The following CCDC187 variants were observed in gnomAD, a reference collection of about 807,000 sequenced individuals.
CCDC187 encodes the protein coiled-coil domain-containing protein 187.
Under a neutral mutation model 38.0 loss-of-function variants are expected in CCDC187, and 32 were observed. The observed-to-expected ratio is 0.84, with a 90% CI of 0.64 to 1.13. The LOEUF (loss-of-function observed/expected upper bound fraction) is 1.13, where lower values mean the gene tolerates loss of function less well. Among genes scored for constraint, CCDC187 ranks in the 50% most tolerant of loss-of-function variants. CCDC187 has a pLI of 0.00. For synonymous variants in CCDC187, 333 were observed against 347.9 expected (o/e 0.96, Z 0.48); for missense variants, 707 against 786.8 (o/e 0.90, Z 1.21).
intron 3 of CCDC187, among the ~76,000 whole-genome samples, chr9:136,299,180 A>T (rs1367123079): frequency 6.6e-6 from 1 of 152,242 alleles, no homozygotes; most frequent in South Asian, 2.1e-4. Context: ...ATCTGGATGG[A>T]CAGGAGTTCC....
intron 2 of CCDC187, among the ~76,000 whole-genome samples, chr9:136,300,921 C>T (rs886677360): frequency 3.9e-5 from 6 of 152,208 alleles, no homozygotes; most frequent in East Asian, 1.9e-4. Context: ...TTGAATAGCA[C>T]ATCTGACCAA....
chr9:136,253,731 C>G lies in CCDC187; in HGVS notation c.6097G>C (p.Asp2033His). 1.0e-6 allele frequency: 1 copy of G among 985,578 alleles called. No individual in the cohort carries two copies. Among genetic ancestry groups the G allele is most frequent in the Non-Finnish European group, 1.2e-6 (1 of 830,012 alleles). The allele number at this position is 985,578 out of a possible 1,614,324, so 61.1% of individuals were successfully genotyped here. A position where few individuals can be genotyped will look rare whatever the true frequency, so the allele number is the denominator to read the frequency against. The change falls in exon 26 of 26, where the codon GAT (aspartate) becomes CAT (histidine). Residue 2033 changes from aspartate (D) to histidine (H), a missense_variant. Coordinates refer to ENST00000638797, the MANE Select transcript of CCDC187 (RefSeq NM_001378188.1). ...SDGEDTNPCS[D>H]AFPSPPSGPL... ...CCCGAGGGCGGGGAAGGGAAGGCATCCGAGCATGGGTTGGTGTCTTCACCA... is the reference window on the plus strand; with the variant it reads ...CCCGAGGGCGGGGAAGGGAAGGCATGCGAGCATGGGTTGGTGTCTTCACCA...
intron 7 of CCDC187, among the ~76,000 whole-genome samples, chr9:136,288,995 C>T (rs1223919509): frequency 2.6e-5 from 4 of 152,306 alleles, no homozygotes; most frequent in African/African-American, 7.2e-5. Flanking sequence ...CACCCATTCA[C>T]GGCAGCGGCA....
At position 136,286,529 on chromosome 9, in the gene CCDC187, T is replaced by C; in HGVS notation, c.2389A>G (p.Met797Val). Residue 797 changes from methionine to valine, a missense_variant, in exon 8 of 26, where the codon ATG (methionine) becomes GTG (valine). Transcript: ENST00000638797. ...DLTTRYLPRG[M>V]CIYLDPKEAE... is the part of the protein sequence containing the mutation. ...TCCTTTGGGTCCAGGTAGATGCACA[T>C]CCCCCGGGGTAGGTAGCGGGTGGTC... is the stretch of plus-strand genomic sequence containing the variant. The C allele has an allele frequency of 2.5e-6, 1 of 398,602 alleles. No homozygotes were observed. The highest frequency in any genetic ancestry group is 4.4e-6 in the Non-Finnish European group (1 of 226,086). The allele number at this position is 398,602 out of a possible 1,614,324, so 24.7% of individuals were successfully genotyped here. A position where few individuals can be genotyped will look rare whatever the true frequency, so the allele number is the denominator to read the frequency against.
chr9:136,301,183 C>T (rs1831671583), intron 2 of CCDC187, among the ~76,000 whole-genome samples: 2 of 152,278 alleles, frequency 1.3e-5, no homozygotes, highest in African/African-American at 4.8e-5. Context: ...GAGGGGTGCA[C>T]CCCAAAGTAT....
At chr9:136,281,890 G>A (rs1190572537) in intron 9 of CCDC187, among the ~76,000 whole-genome samples, 1 of 152,106 alleles carries the variant, frequency 6.6e-6, no homozygotes, top group Non-Finnish European at 1.5e-5. Flanking sequence ...CGGGAGGCAG[G>A]GGTGAGTGGG....
intron 9 of CCDC187, among the ~76,000 whole-genome samples, chr9:136,283,656 C>T (rs1365893791): frequency 2.0e-5 from 3 of 152,384 alleles, no homozygotes; most frequent in African/African-American, 7.2e-5. Context: ...GCCATTGCCA[C>T]AGGGAGCCCT....
rs1831178791 is a variant in CCDC187 at position 136,286,295 on chromosome 9, G to A, written c.2623C>T (p.Leu875Phe). The A allele has an allele frequency of 2.5e-6, 1 of 398,636 alleles. No individual in the cohort carries two copies. The highest frequency in any genetic ancestry group is 4.4e-5 in the Admixed American group (1 of 22,738). 24.7% of individuals were successfully genotyped at this position (398,636 alleles called of 1,614,324 possible). ...CPHSLPAAPT[L>F]ATPTLATPAC... ...GGGGTGGCAAGCGTGGGGGTGGCGAGCGTGGGGGCGGCAGGTAGGCTGTGG... is the reference window on the plus strand; with the variant it reads ...GGGGTGGCAAGCGTGGGGGTGGCGAACGTGGGGGCGGCAGGTAGGCTGTGG... Residue 875 changes from leucine to phenylalanine, a missense_variant, in exon 8 of 26, where the codon CTC becomes TTC. By Grantham distance (22) the Leu-to-Phe change is conservative. Coordinates refer to ENST00000638797, the MANE Select transcript of CCDC187 (RefSeq NM_001378188.1).
intron 10 of CCDC187, among the ~76,000 whole-genome samples, chr9:136,280,497 C>G (rs1256231318): frequency 6.6e-6 from 1 of 152,218 alleles, no homozygotes; most frequent in Admixed American, 6.5e-5. Context: ...TACACACAAG[C>G]AAGCATGCAC....
At position 136,291,516 on chromosome 9, in the gene CCDC187, G is replaced by A. The variant is rs939095724; in HGVS notation, c.1097C>T (p.Ala366Val). Residue 366 changes from alanine (A) to valine (V), a missense_variant, in exon 6 of 26, where the codon GCG becomes GTG. Ala to Val is a moderately conservative substitution (Grantham distance 64). Transcript: ENST00000638797. ...GATGGCCATGGCCGTCTGTATGGTC[G>A]CTGGCTGGTCGAAGGAAGCCAGGCT... ...TPSLASFDQP[A>V]TIQTAMAILQ... The A allele has an allele frequency of 5.0e-6, 2 of 398,736 alleles. No homozygotes were observed. Among genetic ancestry groups the A allele is most frequent in the South Asian group, 1.3e-4 (1 of 7,864 alleles). The allele number at this position is 398,736 out of a possible 1,614,324, so 24.7% of individuals were successfully genotyped here. A position where few individuals can be genotyped will look rare whatever the true frequency, so the allele number is the denominator to read the frequency against.
rs957831120 is a variant in CCDC187, at chr9:136,255,583, G to A, written c.4693+74C>T. The A allele has an allele frequency of 6.1e-6, 4 of 652,710 alleles. No homozygotes were observed. The African/African-American group carries it at 7.8e-5, about 13-fold the overall frequency. The allele number at this position is 652,710 out of a possible 1,614,324, so 40.4% of individuals were successfully genotyped here. ...CGTATTGTGGGGAGAAGCTGGCTCT[G>A]ATGTAGAAATGGCTTGGGGGACCCT... On this transcript the variant is annotated intron_variant, in intron 25 of 25. Coordinates refer to ENST00000638797, the MANE Select transcript of CCDC187 (RefSeq NM_001378188.1).
intron 4 of CCDC187, among the ~76,000 whole-genome samples, chr9:136,293,363 ACATGCTCACACACTCACACT>A (rs1831408987): frequency 6.8e-6 from 1 of 148,122 alleles, no homozygotes; most frequent in Non-Finnish European, 1.5e-5. Context: ...ACACACATTC[ACATGCTCACACACTCACACT>A]CACATGCTCA....
At position 136,282,773 on chromosome 9, in the gene CCDC187, C is replaced by A. The variant is rs1167408409; in HGVS notation, c.2928-1110G>T. ...GGTGACCCACCTCCCAACCCCCGCC[C>A]GCATTCCTGGTGCTGCAGGGGAGCT... On this transcript the variant is annotated intron_variant, in intron 9 of 25. Coordinates refer to ENST00000638797, the MANE Select transcript of CCDC187 (RefSeq NM_001378188.1). Among the ~76,000 whole-genome samples, 4 of 152,246 alleles carry A rather than the reference C, an allele frequency of 2.6e-5. No homozygotes were observed. In the East Asian group the frequency reaches 7.7e-4, roughly 29 times the overall value.
At chr9:136,286,892 G>A (rs1831195620) in intron 7 of CCDC187, among the ~76,000 whole-genome samples, 197 bp from the exon 8 acceptor site, 2 of 152,224 alleles carry the variant, frequency 1.3e-5, no homozygotes, top group African/African-American at 2.4e-5. Flanking sequence ...AGGGCCAGGC[G>A]TGAGCGAGGG....
chr9:136,293,175 T>TTACA (rs1159525355), intron 4 of CCDC187, among the ~76,000 whole-genome samples: 2 of 136,350 alleles, frequency 1.5e-5, no homozygotes, highest in East Asian at 2.3e-4. Flanking sequence ...ACTCACATGC[T>TTACA]CACACACACT....
intron 12 of CCDC187, among the ~76,000 whole-genome samples, chr9:136,275,515 A>G (rs1472382893): frequency 4.6e-5 from 7 of 151,060 alleles, no homozygotes; most frequent in East Asian, 3.9e-4. Flanking sequence ...TACTTCCATC[A>G]CTCTCCTGGA....
Position 136,250,808 on chromosome 9 carries a change from G to T in CCDC187, c.*2786C>A. The T allele has an allele frequency of 2.2e-6, 1 of 456,298 alleles. No homozygotes were observed. The highest frequency in any genetic ancestry group is 4.4e-6 in the Non-Finnish European group (1 of 226,952). 28.3% of individuals were successfully genotyped at this position (456,298 alleles called of 1,614,324 possible). On this transcript the variant is annotated 3_prime_UTR_variant, in exon 26 of 26. Transcript: ENST00000638797. ...CCGGCCATTGTTAACGGCACCTGGGGCTAAGCAGCCGCCCCGGGGCTGGAG... is the reference window on the plus strand; with the variant it reads ...CCGGCCATTGTTAACGGCACCTGGGTCTAAGCAGCCGCCCCGGGGCTGGAG...
At position 136,286,479 on chromosome 9, in the gene CCDC187, G is replaced by C. The variant is rs2131282309; in HGVS notation, c.2439C>G (p.Ser813Arg). 2.3e-5 allele frequency: 9 copies of C among 398,796 alleles called. No individual in the cohort carries two copies. The East Asian group carries it at 3.2e-4, about 14-fold the overall frequency. 24.7% of individuals were successfully genotyped at this position (398,796 alleles called of 1,614,324 possible). Residue 813 changes from serine (S) to arginine (R), a missense_variant, in exon 8 of 26, where the codon AGC becomes AGG. Transcript: ENST00000638797. ...PKEAEHLGTS[S>R]SLHLRHKQAQ... The stretch of plus-strand genomic sequence containing the variant: ...CCTGCTTATGCCGGAGGTGCAGGGA[G>C]CTGGAAGTGCCCAGGTGCTCAGCCT...
Position 136,253,842 on chromosome 9 carries a change from A to T in CCDC187, c.5986T>A (p.Ser1996Thr). 3 of 985,272 alleles carry T rather than the reference A, an allele frequency of 3.0e-6. No homozygotes were observed. The highest frequency in any genetic ancestry group is 3.6e-6 in the Non-Finnish European group (3 of 829,836). The allele number at this position is 985,272 out of a possible 1,614,324, so 61.0% of individuals were successfully genotyped here. Residue 1996 changes from serine to threonine, a missense_variant, in exon 26 of 26, where the codon TCC becomes ACC. Physicochemically the swap from Ser to Thr is moderately conservative, Grantham distance 58. Transcript: ENST00000638797. ...EILSPVDELL[S>T]YGSADLPSSI... The stretch of plus-strand genomic sequence containing the variant: ...GACGGGAGGTCGGCACTGCCGTAGG[A>T]CAGCAACTCGTCCACGGGAGACAGG...
Sources: gnomAD v4.1 joint callset for allele counts (sites outside exome capture counted in the v4.1 genomes callset) on GRCh38, gnomAD v4.1.1 for gene constraint, MANE v1.5 for transcripts, NCBI Gene and HGNC (gene_info 2026-07-23, HGNC 2026-07-21) for gene names.